DYNC2H1: variants seen among roughly 807,000 people sequenced by gnomAD.
DYNC2H1 encodes dynein cytoplasmic 2 heavy chain 1, also known as cytoplasmic dynein 2 heavy chain 1.
A neutral mutation model predicts 570.0 loss-of-function variants in DYNC2H1; 410 were observed. That is an observed-to-expected ratio of 0.72 (90% confidence interval 0.66 to 0.78). DYNC2H1 has a LOEUF of 0.78. DYNC2H1 is among the 30% of genes least tolerant of loss of function. The pLI is 0.00. For synonymous variants in DYNC2H1, 1,688 were observed against 1,677.6 expected (o/e 1.01, Z -0.15); for missense variants, 4,865 against 5,046.4 (o/e 0.96, Z 1.09).
intron 85 of DYNC2H1, among the ~76,000 whole-genome samples, chr11:103,452,868 A>G (rs17100943): frequency 0.15 from 23,393 of 152,008 alleles, 2,001 homozygotes; most frequent in East Asian, 0.26. Flanking sequence ...ATCCTACTAC[A>G]TAATCAACAT....
At chr11:103,443,423 T>G (rs1944331450) in intron 85 of DYNC2H1, among the ~76,000 whole-genome samples, 1 of 143,944 alleles carries the variant, frequency 6.9e-6, no homozygotes, top group African/African-American at 2.8e-5. Flanking sequence ...GTATATTATA[T>G]TATTTATCTA....
At chr11:103,422,673 A>G (rs1943529046) in intron 84 of DYNC2H1, among the ~76,000 whole-genome samples, 1 of 152,198 alleles carries the variant, frequency 6.6e-6, no homozygotes, top group South Asian at 2.1e-4. Flanking sequence ...TAAACTAGGT[A>G]TTGAAGGAAC....
chr11:103,134,518 T>C, intron 15 of DYNC2H1, 99 bp downstream of exon 15: 1 of 851,712 alleles, frequency 1.2e-6, no homozygotes, highest in South Asian at 3.2e-5. Flanking sequence ...AAAGTTATCT[T>C]TAAATCTTAC....
At chr11:103,392,207 C>T (rs1460985328) in intron 83 of DYNC2H1, among the ~76,000 whole-genome samples, 1 of 152,206 alleles carries the variant, frequency 6.6e-6, no homozygotes, top group Non-Finnish European at 1.5e-5. Flanking sequence ...TGGCGGGCGC[C>T]CCTCCCCCAG....
chr11:103,290,181 CT>C (rs981744739), intron 75 of DYNC2H1, among the ~76,000 whole-genome samples: 6 of 151,252 alleles, frequency 4.0e-5, no homozygotes, highest in African/African-American at 1.2e-4. Context: ...TTCAACATAT[CT>C]TTTTTTTTGG....
intron 83 of DYNC2H1, among the ~76,000 whole-genome samples, chr11:103,389,719 A>G (rs1166831336): frequency 6.6e-6 from 1 of 151,700 alleles, no homozygotes; most frequent in Non-Finnish European, 1.5e-5. Flanking sequence ...TTAGTTTCAA[A>G]GAACATCTTT....
At chr11:103,301,702 A>T (rs1021204034) in intron 75 of DYNC2H1, among the ~76,000 whole-genome samples, 2 of 151,946 alleles carry the variant, frequency 1.3e-5, no homozygotes, top group South Asian at 2.1e-4. Context: ...GTTGTGAAGA[A>T]CAGACAAGGG....
At chr11:103,386,824 A>G (rs1217530496) in intron 83 of DYNC2H1, among the ~76,000 whole-genome samples, 1 of 152,182 alleles carries the variant, frequency 6.6e-6, no homozygotes, top group Non-Finnish European at 1.5e-5. Flanking sequence ...TACAAAGGAC[A>G]TGAACTCATC....
chr11:103,143,452 A>C (rs1332329611), intron 18 of DYNC2H1, 57 bp downstream of exon 18: 1 of 1,493,894 alleles, frequency 6.7e-7, no homozygotes, highest in Non-Finnish European at 8.9e-7. Flanking sequence ...CATGGACAGT[A>C]AGGGAGCTCT....
In DYNC2H1 at chr11:103,479,708, A is replaced by G. The variant is rs1432645305; in HGVS notation, c.*455A>G. ...AATGTATAAAAGTATCAACATGAAT[A>G]TAATTATACTATGCTAATTATAATA... On this transcript the variant is annotated 3_prime_UTR_variant, in exon 89 of 89. Transcript: ENST00000375735. The G allele has an allele frequency of 6.6e-6, 1 of 152,082 alleles. No individual in the cohort carries two copies. The highest frequency in any genetic ancestry group is 6.5e-5 in the Admixed American group (1 of 15,268). 9.4% of individuals were successfully genotyped at this position (152,082 alleles called of 1,614,324 possible). A position where few individuals can be genotyped will look rare whatever the true frequency, so the allele number is the denominator to read the frequency against.
intron 84 of DYNC2H1, among the ~76,000 whole-genome samples, chr11:103,434,428 T>A (rs1943993944): frequency 1.4e-5 from 2 of 145,790 alleles, no homozygotes; most frequent in South Asian, 4.2e-4. Flanking sequence ...TCCTTCCTTT[T>A]TTTTTTTTTT....
chr11:103,204,981 T>C lies in DYNC2H1; in HGVS notation c.8454+17T>C. 5 of 1,537,380 alleles carry C rather than the reference T, an allele frequency of 3.3e-6. No homozygotes were observed. Among genetic ancestry groups the C allele is most frequent in the Non-Finnish European group, 4.4e-6 (5 of 1,142,706 alleles). On this transcript the variant is annotated intron_variant, in intron 52 of 88. Transcript: ENST00000375735. This position sits in a 1 kb window ranked among gnomAD's most constrained non-coding sequence, Gnocchi z 4.1. ...ATGAAGAAAGTAAGTTTAACAAATA[T>C]TAAAAAATTTAAAAGCACATTTTAT...
rs556095484 is a variant in DYNC2H1, at chr11:103,287,769, C to T, written c.11095+164C>T. ...CTACCTGTTTTAGAAAAATAATTCT[C>T]GGCTGGGCATGGTGGCTCATTCTGT... On this transcript the variant is annotated intron_variant, in intron 75 of 88. Transcript: ENST00000375735. The T allele has an allele frequency of 4.7e-4, 308 of 649,194 alleles. 2 individuals carry two copies. In the South Asian group the frequency reaches 6.0e-3, roughly 13 times the overall value. 40.2% of individuals were successfully genotyped at this position (649,194 alleles called of 1,614,324 possible). A position where few individuals can be genotyped will look rare whatever the true frequency, so the allele number is the denominator to read the frequency against.
In DYNC2H1 at chr11:103,186,560, A is replaced by G; in HGVS notation, c.6893+59A>G. On this transcript the variant is annotated intron_variant, in intron 42 of 88. Coordinates refer to ENST00000375735, the MANE Select transcript of DYNC2H1 (RefSeq NM_001377.3). This position sits in a 1 kb window ranked among gnomAD's most constrained non-coding sequence, Gnocchi z 4.5. ...GATTTATTCCTGCCGCCCCTAATTG[A>G]TTTAATGGCTTTTGTTATGTTTCTT... The G allele has an allele frequency of 1.3e-6, 2 of 1,555,946 alleles. No homozygotes were observed. The highest frequency in any genetic ancestry group is 1.7e-6 in the Non-Finnish European group (2 of 1,154,794).
At chr11:103,198,506 G>A (rs1274779607) in intron 48 of DYNC2H1, among the ~76,000 whole-genome samples, 7 of 152,158 alleles carry the variant, frequency 4.6e-5, no homozygotes, top group Non-Finnish European at 8.8e-5. Flanking sequence ...ACTTTGAGTA[G>A]TGCTATCCTA....
chr11:103,215,386 TCTG>T (rs1863338796), intron 54 of DYNC2H1, among the ~76,000 whole-genome samples: 1 of 152,200 alleles, frequency 6.6e-6, no homozygotes, highest in Non-Finnish European at 1.5e-5. Context: ...AGATGTGTTT[TCTG>T]TGTCTATTTT....
At position 103,120,996 on chromosome 11, in the gene DYNC2H1, A is replaced by C. The variant is rs760475860; in HGVS notation, c.1320A>C (p.Glu440Asp). Residue 440 changes from glutamate to aspartate, a missense_variant, in exon 9 of 89, where the codon GAA becomes GAC. By Grantham distance (45) the Glu-to-Asp change is conservative (BLOSUM62 2). This residue lies in a region of DYNC2H1 where 1,936 missense variants were observed against 1,962.1 expected (regional missense o/e 0.99). Coordinates refer to ENST00000375735, the MANE Select transcript of DYNC2H1 (RefSeq NM_001377.3). The stretch of plus-strand genomic sequence containing the variant: ...CTATAAGCAAAGAATTGATGTTAGA[A>C]AGAGAAACTTTACTGGCAAGACTTG... ...RPTISKELML[E>D]RETLLARLVD... is the part of the protein sequence containing the mutation. The C allele has an allele frequency of 2.1e-5, 33 of 1,591,110 alleles. No homozygotes were observed. In the East Asian group the frequency reaches 7.5e-4, roughly 36 times the overall value.
intron 82 of DYNC2H1, among the ~76,000 whole-genome samples, chr11:103,353,147 G>T (rs1458522795): frequency 6.6e-6 from 1 of 152,122 alleles, no homozygotes; most frequent in Admixed American, 6.6e-5. Context: ...GGCCTGTCAG[G>T]ACTTGGGGGA....
chr11:103,185,120 A>G lies in DYNC2H1; in HGVS notation c.6633+69A>G. 2.0e-5 allele frequency: 29 copies of G among 1,428,708 alleles called. No homozygotes were observed. Among genetic ancestry groups the G allele is most frequent in the Non-Finnish European group, 2.8e-5 (29 of 1,050,610 alleles). 88.5% of individuals were successfully genotyped at this position (1,428,708 alleles called of 1,614,324 possible). A position where few individuals can be genotyped will look rare whatever the true frequency, so the allele number is the denominator to read the frequency against. On this transcript the variant is annotated intron_variant, in intron 41 of 88. Transcript: ENST00000375735. The surrounding 1 kb of genome is among the most constrained non-coding windows in gnomAD (Gnocchi z 4.5). ...TTCATTAACTCTTAACTGCCAAAAC[A>G]CAATGATTTGTAACTGTAAGATATG...
Sources: allele counts gnomAD v4.1 joint callset (sites outside exome capture counted in the v4.1 genomes callset), GRCh38; gene constraint gnomAD v4.1.1; regional missense constraint gnomAD v4.1.1; non-coding constraint Gnocchi (gnomAD v3.1); transcripts MANE v1.5; gene names NCBI Gene and HGNC (gene_info 2026-07-23, HGNC 2026-07-21).